The following RFX3 variants were observed in gnomAD, a reference collection of about 807,000 sequenced individuals.
RFX3 encodes the protein transcription factor RFX3.
A neutral mutation model predicts 98.6 loss-of-function variants in RFX3; 14 were observed. The observed-to-expected ratio is 0.14, with a 90% CI of 0.09 to 0.22. The LOEUF (loss-of-function observed/expected upper bound fraction) is 0.22, where lower values mean the gene tolerates loss of function less well. RFX3 is among the 10% of genes least tolerant of loss of function. RFX3 has a pLI of 1.00. For missense variants in RFX3, 639 were observed against 926.9 expected (o/e 0.69, Z 4.03); for synonymous variants, 383 against 328.4 (o/e 1.17, Z -1.80).
At chr9:3,234,880 C>T (rs645174) in intron 15 of RFX3, among the ~76,000 whole-genome samples, 133,604 of 152,208 alleles carry the variant, frequency 0.88, 60,061 homozygotes, top group East Asian at 1. Context: ...AGGAAGGATA[C>T]AGAACCAGAG....
chr9:3,515,706 A>G (rs761386430), intron 1 of RFX3, among the ~76,000 whole-genome samples: 1 of 152,208 alleles, frequency 6.6e-6, no homozygotes, highest in Non-Finnish European at 1.5e-5. Flanking sequence ...TTGAACATTA[A>G]AGTAAACTAT....
intron 1 of RFX3, among the ~76,000 whole-genome samples, chr9:3,503,011 G>C (rs1465965310): frequency 6.6e-6 from 1 of 152,158 alleles, no homozygotes; most frequent in Non-Finnish European, 1.5e-5. Context: ...AAAAACATGA[G>C]AGAAGACTCA....
At chr9:3,439,958 C>T (rs757718309) in intron 1 of RFX3, among the ~76,000 whole-genome samples, 25 of 151,962 alleles carry the variant, frequency 1.6e-4, no homozygotes, top group South Asian at 6.2e-4. Flanking sequence ...TTTAGGGTTT[C>T]GGACCACCTT....
At chr9:3,258,514 G>A (rs1822427732) in intron 13 of RFX3, among the ~76,000 whole-genome samples, 1 of 151,764 alleles carries the variant, frequency 6.6e-6, no homozygotes, top group African/African-American at 2.4e-5. Flanking sequence ...ATTTTCCCAG[G>A]GAAACCTACT....
At chr9:3,371,516 T>C (rs1837853198) in intron 2 of RFX3, among the ~76,000 whole-genome samples, 2 of 152,156 alleles carry the variant, frequency 1.3e-5, no homozygotes, top group African/African-American at 4.8e-5. Context: ...AAATTACTAT[T>C]CAAATGATGA....
chr9:3,504,161 TTATATATATTATATATTATA>T (rs1816382454), intron 1 of RFX3, among the ~76,000 whole-genome samples: 1 of 93,152 alleles, frequency 1.1e-5, no homozygotes, highest in African/African-American at 8.9e-5. Context: ...ATATTATATA[TTATATATATTATATATTATA>T]CATATTATAT....
intron 2 of RFX3, among the ~76,000 whole-genome samples, chr9:3,357,766 G>C (rs1835948978): frequency 6.6e-6 from 1 of 152,008 alleles, no homozygotes. Context: ...ACCAAGAAAA[G>C]ATACATGTTT....
At chr9:3,516,326 G>A (rs1489134322) in intron 1 of RFX3, among the ~76,000 whole-genome samples, 1 of 152,112 alleles carries the variant, frequency 6.6e-6, no homozygotes, top group Admixed American at 6.6e-5. Flanking sequence ...GGGATTACAG[G>A]CATGAGCCAC....
chr9:3,439,727 C>T lies in RFX3; in HGVS notation c.-8-44131G>A, dbSNP rs893042952. ...TAAAGAATAAACAATACTAACAATA[C>T]TAACATGTTTCCCATACACTGCAGA... On this transcript the variant is annotated intron_variant, in intron 1 of 16. Coordinates refer to ENST00000617270, the MANE Select transcript of RFX3 (RefSeq NM_001282116.2). 4.4e-4 allele frequency among the ~76,000 whole-genome samples: 67 copies of T among 151,952 alleles called. 1 individual carries two copies. The highest frequency in any genetic ancestry group is 1.2e-3 in the Admixed American group (19 of 15,236).
intron 5 of RFX3, among the ~76,000 whole-genome samples, chr9:3,298,715 T>G (rs1487303325): frequency 2.0e-5 from 3 of 151,828 alleles, no homozygotes; most frequent in African/African-American, 7.2e-5. Flanking sequence ...CCCCATCTTC[T>G]AAAGTGTGGA....
intron 1 of RFX3, among the ~76,000 whole-genome samples, chr9:3,426,807 A>C (rs2132456165): frequency 6.6e-6 from 1 of 152,322 alleles, no homozygotes; most frequent in South Asian, 2.1e-4. Context: ...CTGATTCTAC[A>C]TTATGATGAG....
intron 4 of RFX3, among the ~76,000 whole-genome samples, chr9:3,303,872 A>T (rs1828966743): frequency 6.6e-6 from 1 of 152,014 alleles, no homozygotes; most frequent in African/African-American, 2.4e-5. Context: ...GACCTTCAGA[A>T]TTTCGGTTCT....
intron 1 of RFX3, among the ~76,000 whole-genome samples, chr9:3,396,016 C>T (rs867069575): frequency 6.6e-6 from 1 of 151,954 alleles, no homozygotes; most frequent in African/African-American, 2.4e-5. Flanking sequence ...CAGGATGTCA[C>T]CAGAATATAA....
chr9:3,503,952 T>C (rs1176608848), intron 1 of RFX3, among the ~76,000 whole-genome samples: 1 of 151,616 alleles, frequency 6.6e-6, no homozygotes, highest in Non-Finnish European at 1.5e-5. Context: ...TTGTAATTTT[T>C]ACTTTTAACA....
Position 3,423,811 on chromosome 9 carries a change from A to ATATATC in RFX3, c.-8-28216_-8-28215insGATATA, listed in dbSNP as rs1292059587. Among the ~76,000 whole-genome samples the ATATATC allele has an allele frequency of 2.2e-4, 29 of 132,358 alleles. No individual in the cohort carries two copies. In the East Asian group the frequency reaches 5.5e-3, roughly 25 times the overall value. 86.8% of individuals were successfully genotyped at this position (132,358 alleles called of 152,430 possible). ...TATATATATATATATATATATATAT[A>ATATATC]TCTTAAGGTAATTTTTAAAAAGAAC... On this transcript the variant is annotated intron_variant, in intron 1 of 16. Transcript: ENST00000617270.
At chr9:3,443,450 G>A (rs1845773606) in intron 1 of RFX3, among the ~76,000 whole-genome samples, 1 of 152,196 alleles carries the variant, frequency 6.6e-6, no homozygotes, top group Non-Finnish European at 1.5e-5. Flanking sequence ...GGGAAAAGAT[G>A]TGGTGTTTGG....
chr9:3,248,052 G>C lies in RFX3; in HGVS notation c.1948C>G (p.Pro650Ala), dbSNP rs1820920190. ...CTTACCTCGCCCATGACTGCTATAG[G>C]AGTCTCTCCTGTTGCCTGAGCAACA... is the stretch of plus-strand genomic sequence containing the variant. ...HRVAQATGET[P>A]IAVMGEFGDL... The change falls in exon 15 of 17, where the codon CCT becomes GCT. Residue 650 changes from proline (P) to alanine (A), a missense_variant. Transcript: ENST00000617270. 6.2e-7 allele frequency: 1 copy of C among 1,613,956 alleles called. No homozygotes were observed.
intron 1 of RFX3, among the ~76,000 whole-genome samples, chr9:3,499,451 C>A (rs1032678995): frequency 7.9e-5 from 12 of 151,816 alleles, no homozygotes; most frequent in Non-Finnish European, 1.6e-4. Flanking sequence ...AAAATCTATA[C>A]CAGCCTATCA....
intron 1 of RFX3, among the ~76,000 whole-genome samples, chr9:3,483,812 C>G (rs1485758802): frequency 1.3e-5 from 2 of 152,086 alleles, no homozygotes; most frequent in African/African-American, 2.4e-5. Flanking sequence ...ACATGCATTA[C>G]CTGAGTAAAT....
Sources: allele counts gnomAD v4.1 joint callset (sites outside exome capture counted in the v4.1 genomes callset), GRCh38; gene constraint gnomAD v4.1.1; transcripts MANE v1.5; gene names NCBI Gene and HGNC (gene_info 2026-07-23, HGNC 2026-07-21).